Variants in USH2A observed in about 807,000 individuals in gnomAD.
The protein encoded by USH2A is usherin, also known as Usher syndrome 2A (autosomal recessive, mild).
A neutral mutation model predicts 538.9 loss-of-function variants in USH2A; 443 were observed. That is an observed-to-expected ratio of 0.82 (90% CI 0.76 to 0.89). The LOEUF (loss-of-function observed/expected upper bound fraction) is 0.89. Among genes scored for constraint, USH2A ranks in the 40% least tolerant of loss-of-function variants. USH2A has a pLI of 0.00. For synonymous variants in USH2A, 2,413 were observed against 2,273.5 expected, an observed-to-expected ratio of 1.06 and a Z score of -1.75; for missense variants, 6,633 against 6,324.8, an observed-to-expected ratio of 1.05 and a Z score of -1.65.
At chr1:216,333,352 C>G (rs937862182) in intron 4 of USH2A, among the ~76,000 whole-genome samples, 1 of 151,812 alleles carries the variant, frequency 6.6e-6, no homozygotes, top group Non-Finnish European at 1.5e-5. Flanking sequence ...ACTAGCAGAT[C>G]TAAATGATCA....
chr1:216,054,153 G>C (rs1225031766), intron 30 of USH2A, among the ~76,000 whole-genome samples: 3 of 152,170 alleles, frequency 2.0e-5, no homozygotes, highest in Non-Finnish European at 2.9e-5. Context: ...CACTTGACGG[G>C]TGACTGAAAA....
At chr1:215,673,571 C>G (rs1200080975) in intron 63 of USH2A, among the ~76,000 whole-genome samples, 1 of 152,146 alleles carries the variant, frequency 6.6e-6, no homozygotes, top group Non-Finnish European at 1.5e-5. Flanking sequence ...TGGCACTGTC[C>G]TGAGAAACCA....
At chr1:215,737,394 TTAAA>T (rs1398746637) in intron 60 of USH2A, among the ~76,000 whole-genome samples, 1 of 151,964 alleles carries the variant, frequency 6.6e-6, no homozygotes, top group Non-Finnish European at 1.5e-5. Flanking sequence ...CTCTTACAAT[TTAAA>T]TAGTCATTAA....
At chr1:216,262,215 C>T (rs2036387392) in intron 11 of USH2A, among the ~76,000 whole-genome samples, 1 of 151,846 alleles carries the variant, frequency 6.6e-6, no homozygotes, top group Non-Finnish European at 1.5e-5. Context: ...TAGTAACAGA[C>T]CCCAAAGTAA....
chr1:215,706,099 T>C (rs1313838375), intron 61 of USH2A, among the ~76,000 whole-genome samples: 1 of 152,176 alleles, frequency 6.6e-6, no homozygotes, highest in East Asian at 1.9e-4. Flanking sequence ...CGAAGCACAT[T>C]GTCCATGGTC....
At chr1:216,142,612 T>C (rs921352892) in intron 21 of USH2A, among the ~76,000 whole-genome samples, 2 of 152,150 alleles carry the variant, frequency 1.3e-5, no homozygotes, top group Non-Finnish European at 2.9e-5. Flanking sequence ...TTCTCAGCTG[T>C]AAAACTAGCT....
intron 48 of USH2A, among the ~76,000 whole-genome samples, chr1:215,814,356 A>G (rs1275135967): frequency 6.7e-6 from 1 of 148,958 alleles, no homozygotes; most frequent in African/African-American, 2.5e-5. Context: ...TTTTTATTAT[A>G]TAAAATTTTA....
At chr1:216,110,224 G>T (rs543194838) in intron 21 of USH2A, among the ~76,000 whole-genome samples, 1 of 152,142 alleles carries the variant, frequency 6.6e-6, no homozygotes, top group Non-Finnish European at 1.5e-5. Context: ...CAGGCACAGT[G>T]TCATATGCCT....
At chr1:215,724,234 C>CAG in intron 61 of USH2A, among the ~76,000 whole-genome samples, 1 of 148,274 alleles carries the variant, frequency 6.7e-6, no homozygotes, top group Non-Finnish European at 1.5e-5. Flanking sequence ...CACACACACA[C>CAG]ACACACACAC....
At chr1:215,774,138 C>T (rs1187029952) in intron 55 of USH2A, among the ~76,000 whole-genome samples, 1 of 152,140 alleles carries the variant, frequency 6.6e-6, no homozygotes, top group Non-Finnish European at 1.5e-5. Context: ...CTCATATGAA[C>T]TGAACATCAA....
chr1:215,960,882 AC>A (rs1274754167), intron 37 of USH2A, among the ~76,000 whole-genome samples: 2 of 152,018 alleles, frequency 1.3e-5, no homozygotes, highest in African/African-American at 4.8e-5. Flanking sequence ...CACTTGTCAC[AC>A]CATCTAGTTT....
chr1:215,674,390 G>A lies in USH2A; in HGVS notation c.13521C>T (p.Tyr4507=), dbSNP rs1488571549. The part of the protein sequence containing the change: ...FTLTPGVEYS[Y]TVTASNSQGG... Reference sequence around the variant, plus strand: ...CTTGGCTGTTGCTGGCAGTTACTGTGTAGCTATACTCCACACCTGGGGTGA... The same window carrying A: ...CTTGGCTGTTGCTGGCAGTTACTGTATAGCTATACTCCACACCTGGGGTGA... Residue 4507 remains tyrosine (Y), a synonymous_variant, in exon 63 of 72, where the codon TAC becomes TAT. Coordinates refer to ENST00000307340, the MANE Select transcript of USH2A (RefSeq NM_206933.4). 9 of 1,614,112 alleles carry A rather than the reference G, an allele frequency of 5.6e-6. No individual in the cohort carries two copies. The highest frequency in any genetic ancestry group is 7.6e-6 in the Non-Finnish European group (9 of 1,180,032).
intron 22 of USH2A, among the ~76,000 whole-genome samples, chr1:216,096,463 T>G (rs1406007836): frequency 6.6e-6 from 1 of 152,232 alleles, no homozygotes; most frequent in Non-Finnish European, 1.5e-5. Flanking sequence ...TTCATTGATT[T>G]GTATCTCAGT....
chr1:215,675,000 T>C lies in USH2A; in HGVS notation c.12911A>G (p.Glu4304Gly). The change falls in exon 63 of 72, where the codon GAA (glutamate) becomes GGA (glycine). Residue 4304 changes from glutamate to glycine, a missense_variant. Coordinates refer to ENST00000307340, the MANE Select transcript of USH2A (RefSeq NM_206933.4). ...IIQSYRLQRN[E>G]MLYPFSFDPV... Reference sequence around the variant, plus strand: ...ATCAAAGCTAAAAGGATAGAGCATTTCATTCCTTTGAAGCCTATAGGACTG... The same window carrying C: ...ATCAAAGCTAAAAGGATAGAGCATTCCATTCCTTTGAAGCCTATAGGACTG... The C allele has an allele frequency of 6.2e-7, 1 of 1,614,208 alleles. No individual in the cohort carries two copies. Among genetic ancestry groups the C allele is most frequent in the Non-Finnish European group, 8.5e-7 (1 of 1,180,034 alleles).
intron 30 of USH2A, among the ~76,000 whole-genome samples, chr1:216,058,943 G>A (rs954882049): frequency 6.6e-5 from 10 of 152,056 alleles, no homozygotes; most frequent in African/African-American, 2.2e-4. Context: ...TTGTCCTCCA[G>A]GAGCTTATTG....
chr1:216,326,624 A>G (rs2037738606), intron 5 of USH2A, among the ~76,000 whole-genome samples: 1 of 152,274 alleles, frequency 6.6e-6, no homozygotes, highest in South Asian at 2.1e-4. Context: ...TTGGCAGTAA[A>G]TACACCTAAC....
At chr1:215,633,974 G>A (rs187947598) in intron 70 of USH2A, among the ~76,000 whole-genome samples, 8 of 152,200 alleles carry the variant, frequency 5.3e-5, no homozygotes, top group East Asian at 3.9e-4. Context: ...AGGACAGACC[G>A]AGCACCACTA....
At chr1:216,023,876 T>C (rs756565793) in intron 32 of USH2A, among the ~76,000 whole-genome samples, 1 of 152,012 alleles carries the variant, frequency 6.6e-6, no homozygotes, top group Non-Finnish European at 1.5e-5. Flanking sequence ...TGTATGCACA[T>C]AGTGAAAAAT....
chr1:216,183,138 T>C (rs188190462), intron 20 of USH2A, among the ~76,000 whole-genome samples: 28 of 152,202 alleles, frequency 1.8e-4, no homozygotes, highest in African/African-American at 6.5e-4. Flanking sequence ...TTTACAAAGC[T>C]GGGCATTCCT....
Sources: gnomAD v4.1 joint callset for allele counts (sites outside exome capture counted in the v4.1 genomes callset) on GRCh38, gnomAD v4.1.1 for gene constraint, MANE v1.5 for transcripts, NCBI Gene and HGNC (gene_info 2026-07-23, HGNC 2026-07-21) for gene names.